The following MTCL2 variants were observed in gnomAD, a reference collection of about 807,000 sequenced individuals.
MTCL2 encodes the protein microtubule crosslinking factor 2.
At chr20:36,790,191 CTG>C in the MTCL2 span, among the ~76,000 whole-genome samples, 1 of 151,012 alleles carries the variant, frequency 6.6e-6, no homozygotes, top group African/African-American at 2.4e-5. Flanking sequence ...CGGGGTTTCA[CTG>C]TGTTAGCCAG....
chr20:36,808,816 A>AG, the MTCL2 span: 27 of 1,358,162 alleles, frequency 2.0e-5, no homozygotes, highest in Middle Eastern at 2.2e-4. Flanking sequence ...GCCCCTGGAC[A>AG]GGGGCAGGGA....
the MTCL2 span, among the ~76,000 whole-genome samples, chr20:36,803,691 C>T: frequency 6.6e-6 from 1 of 151,834 alleles, no homozygotes; most frequent in Admixed American, 6.6e-5. Flanking sequence ...AGTGGTGGCT[C>T]ACGCCAGTAC....
chr20:36,847,998 T>G, the MTCL2 span, among the ~76,000 whole-genome samples: 1 of 151,386 alleles, frequency 6.6e-6, no homozygotes, highest in Non-Finnish European at 1.5e-5. Context: ...AATAAAAAAT[T>G]TTAAAAACTT....
chr20:36,809,836 A>C, the MTCL2 span: 3 of 985,912 alleles, frequency 3.0e-6, no homozygotes, highest in Non-Finnish European at 4.3e-6. Flanking sequence ...GGCCTCCCAA[A>C]GTGCTGGGAT....
chr20:36,841,874 G>GGGGGTGTGTGTGTGTGTGT, the MTCL2 span, among the ~76,000 whole-genome samples: 2 of 110,768 alleles, frequency 1.8e-5, no homozygotes, highest in African/African-American at 6.5e-5. Flanking sequence ...TGGGGGGTGG[G>GGGGGTGTGTGTGTGTGTGT]GTGTGTGTGT....
chr20:36,844,643 T>A, the MTCL2 span, among the ~76,000 whole-genome samples: 1 of 151,506 alleles, frequency 6.6e-6, no homozygotes, highest in Admixed American at 6.6e-5. Context: ...TGAACTATGA[T>A]TGCACCACTG....
At chr20:36,824,288 C>A in the MTCL2 span, among the ~76,000 whole-genome samples, 1 of 152,200 alleles carries the variant, frequency 6.6e-6, no homozygotes. Flanking sequence ...GATAAATGGA[C>A]AAATCTAATG....
the MTCL2 span, among the ~76,000 whole-genome samples, chr20:36,826,566 C>T: frequency 3.3e-5 from 5 of 151,232 alleles, no homozygotes; most frequent in African/African-American, 9.7e-5. Flanking sequence ...TTTGTAGAGA[C>T]GGGGTTTTGC....
the MTCL2 span, among the ~76,000 whole-genome samples, chr20:36,814,895 T>A: frequency 6.6e-6 from 1 of 151,636 alleles, no homozygotes; most frequent in Admixed American, 6.6e-5. Context: ...TCAAAAAAAA[T>A]AAAAAATAAA....
At chr20:36,859,120 A>G in the MTCL2 span, among the ~76,000 whole-genome samples, 1 of 152,150 alleles carries the variant, frequency 6.6e-6, no homozygotes, top group Non-Finnish European at 1.5e-5. Flanking sequence ...GATGAGAAAA[A>G]AAGCAGCTCA....
At chr20:36,841,174 AAAAAAAAAAT>A in the MTCL2 span, among the ~76,000 whole-genome samples, 1 of 147,624 alleles carries the variant, frequency 6.8e-6, no homozygotes, top group African/African-American at 2.5e-5. Context: ...AAAAAAAAAA[AAAAAAAAAAT>A]GAGCCCAGCG....
chr20:36,797,436 C>A, the MTCL2 span: 1 of 1,512,586 alleles, frequency 6.6e-7, no homozygotes, highest in South Asian at 1.2e-5. Context: ...TCATGTCCCC[C>A]ACAAGCAGGG....
chr20:36,819,690 G>A, the MTCL2 span, among the ~76,000 whole-genome samples: 1 of 152,066 alleles, frequency 6.6e-6, no homozygotes, highest in Non-Finnish European at 1.5e-5. Flanking sequence ...GCTTTCAGGT[G>A]ATTCTGAAGT....
chr20:36,841,880 T>TGGGG, the MTCL2 span, among the ~76,000 whole-genome samples: 142 of 126,846 alleles, frequency 1.1e-3, 1 homozygote, highest in Middle Eastern at 8.9e-3. Context: ...GTGGGGTGTG[T>TGGGG]GTGTGTGTGT....
chr20:36,784,996 G>A, the MTCL2 span: 1 of 985,530 alleles, frequency 1.0e-6, no homozygotes, highest in East Asian at 1.1e-4. Flanking sequence ...GAAGAAAGGT[G>A]TCAGAGGGAG....
the MTCL2 span, chr20:36,815,351 G>A: frequency 6.2e-7 from 1 of 1,613,788 alleles, no homozygotes; most frequent in Admixed American, 1.7e-5. The surrounding 1 kb of genome is among the most constrained non-coding windows in gnomAD (Gnocchi z 5.3). Context: ...TGTTGTCGGG[G>A]GCCTCATGCA....
chr20:36,798,945 C>T, the MTCL2 span, among the ~76,000 whole-genome samples: 8 of 152,166 alleles, frequency 5.3e-5, no homozygotes, highest in South Asian at 2.1e-4. Flanking sequence ...CCCAGGAACG[C>T]GCTCAGTCCC....
the MTCL2 span, chr20:36,808,448 C>T: frequency 3.7e-6 from 5 of 1,359,086 alleles, no homozygotes; most frequent in South Asian, 1.3e-5. Context: ...ACCAGCTGGG[C>T]GTCCCTTCCC....
At chr20:36,854,347 C>A in the MTCL2 span, among the ~76,000 whole-genome samples, 2 of 152,212 alleles carry the variant, frequency 1.3e-5, no homozygotes, top group African/African-American at 4.8e-5. Context: ...TAATCAACAT[C>A]GTGGTAAATG....
Sources: gnomAD v4.1 joint callset for allele counts (sites outside exome capture counted in the v4.1 genomes callset) on GRCh38, gnomAD v4.1.1 for gene constraint, Gnocchi (gnomAD v3.1) non-coding constraint, MANE v1.5 for transcripts, NCBI Gene and HGNC (gene_info 2026-07-23, HGNC 2026-07-21) for gene names.